The following RBFOX1 variants were observed in gnomAD, a reference collection of about 807,000 sequenced individuals.
The protein encoded by RBFOX1 is RNA binding protein fox-1 homolog 1.
RBFOX1 carries 8 observed loss-of-function variants against 57.7 expected under a neutral mutation model. The observed-to-expected ratio is 0.14, with a 90% confidence interval of 0.08 to 0.25. The LOEUF (loss-of-function observed/expected upper bound fraction) is 0.25. Among genes scored for constraint, RBFOX1 ranks in the 10% least tolerant of loss-of-function variants. The pLI is 1.00. For synonymous variants in RBFOX1, 326 were observed against 222.4 expected, an observed-to-expected ratio of 1.47 and a Z score of -4.15; for missense variants, 611 against 548.5, an observed-to-expected ratio of 1.11 and a Z score of -1.14.
chr16:6,788,719 C>G (rs2082394607), intron 3 of RBFOX1, among the ~76,000 whole-genome samples: 1 of 150,062 alleles, frequency 6.7e-6, no homozygotes, highest in African/African-American at 2.5e-5. Context: ...TCGTGATCCG[C>G]CCGCCTCGGC....
chr16:6,833,856 T>C (rs1159207313), intron 3 of RBFOX1, among the ~76,000 whole-genome samples: 3 of 152,010 alleles, frequency 2.0e-5, no homozygotes, highest in Non-Finnish European at 4.4e-5. Context: ...TGGTGCAGAC[T>C]GAGGAGACAG....
chr16:7,379,853 C>T (rs1471558526), intron 4 of RBFOX1, among the ~76,000 whole-genome samples: 1 of 151,642 alleles, frequency 6.6e-6, no homozygotes, highest in Admixed American at 6.6e-5. Context: ...CCTCTTTTCT[C>T]TTCCTTTTCT....
chr16:5,522,533 G>A lies in RBFOX1; in HGVS notation c.258+55279G>A, dbSNP rs139673941. Among the ~76,000 whole-genome samples, 1,322 of 152,250 alleles carry A rather than the reference G, an allele frequency of 8.7e-3. 8 individuals carry two copies. Among genetic ancestry groups the A allele is most frequent in the Non-Finnish European group, 0.013 (917 of 68,014 alleles). On this transcript the variant is annotated intron_variant, in intron 2 of 2. Coordinates refer to the RBFOX1 transcript ENST00000585867. ...CATTACCTCAAACATTTATTATTTCGATGTGTTGGAAAATGTTCAAATCCT... is the reference window on the plus strand; with the variant it reads ...CATTACCTCAAACATTTATTATTTCAATGTGTTGGAAAATGTTCAAATCCT...
intron 1 of RBFOX1, among the ~76,000 whole-genome samples, chr16:6,127,038 G>C (rs1389380727): frequency 1.3e-5 from 2 of 152,188 alleles, no homozygotes; most frequent in Non-Finnish European, 2.9e-5. Context: ...CTAAGGCTTA[G>C]AGAGGGGGAA....
chr16:6,927,185 G>T (rs965100572), intron 3 of RBFOX1, among the ~76,000 whole-genome samples: 16 of 151,824 alleles, frequency 1.1e-4, no homozygotes, highest in Middle Eastern at 3.2e-3. Context: ...TCTGGGTGGG[G>T]CTCAGGGATT....
intron 4 of RBFOX1, among the ~76,000 whole-genome samples, chr16:7,357,879 A>G (rs1426481045): frequency 6.6e-6 from 1 of 151,932 alleles, no homozygotes; most frequent in Non-Finnish European, 1.5e-5. Context: ...TCTTCAGTCT[A>G]GTTTTGGTTC....
chr16:6,686,833 T>G (rs1379215015), intron 3 of RBFOX1, among the ~76,000 whole-genome samples: 4 of 152,188 alleles, frequency 2.6e-5, no homozygotes, highest in Non-Finnish European at 5.9e-5. Flanking sequence ...TTTTAAACAT[T>G]CTCTGCATTG....
At chr16:7,314,256 C>T (rs2096387669) in intron 4 of RBFOX1, among the ~76,000 whole-genome samples, 1 of 152,124 alleles carries the variant, frequency 6.6e-6, no homozygotes, top group African/African-American at 2.4e-5. Context: ...GCAGTCACTG[C>T]CCGGCACCGT....
chr16:5,620,544 G>A (rs902658472), intron 3 of RBFOX1, among the ~76,000 whole-genome samples: 2 of 152,164 alleles, frequency 1.3e-5, no homozygotes, highest in Non-Finnish European at 2.9e-5. Flanking sequence ...TCTGAGACCT[G>A]TCTCCTTGGC....
intron 4 of RBFOX1, among the ~76,000 whole-genome samples, chr16:7,158,824 C>G (rs1018021052): frequency 6.6e-6 from 1 of 150,638 alleles, no homozygotes; most frequent in African/African-American, 2.4e-5. Context: ...TCTCTAGTGT[C>G]AGCACTTGTT....
intron 3 of RBFOX1, among the ~76,000 whole-genome samples, chr16:5,614,220 A>C (rs749106849): frequency 6.6e-6 from 1 of 152,028 alleles, no homozygotes; most frequent in Non-Finnish European, 1.5e-5. Context: ...TCCCTCTACA[A>C]CTGAGACTGC....
At chr16:6,565,545 C>A (rs770719760) in intron 2 of RBFOX1, among the ~76,000 whole-genome samples, 2 of 151,852 alleles carry the variant, frequency 1.3e-5, no homozygotes, top group African/African-American at 2.4e-5. Flanking sequence ...GTGTGAGTCA[C>A]TGCGCCCAGC....
intron 2 of RBFOX1, among the ~76,000 whole-genome samples, chr16:6,395,627 T>C (rs1359080885): frequency 3.9e-5 from 6 of 152,162 alleles, no homozygotes; most frequent in Non-Finnish European, 7.3e-5. Context: ...ACATTTGGAT[T>C]ATTGCATCTT....
intron 4 of RBFOX1, among the ~76,000 whole-genome samples, chr16:7,316,501 C>T (rs1167086926): frequency 6.6e-6 from 1 of 152,148 alleles, no homozygotes. Context: ...CTTATTTAGC[C>T]TCTGTCTCAG....
chr16:7,502,664 A>G (rs1360001983), intron 4 of RBFOX1, among the ~76,000 whole-genome samples: 2 of 152,308 alleles, frequency 1.3e-5, no homozygotes, highest in East Asian at 3.9e-4. Flanking sequence ...TTACATACGT[A>G]TACATGTGGT....
intron 2 of RBFOX1, among the ~76,000 whole-genome samples, chr16:6,450,227 C>T (rs1184708814): frequency 7.9e-5 from 12 of 152,158 alleles, no homozygotes. Flanking sequence ...CTCCTATAAG[C>T]ATTTGCTTCC....
chr16:5,688,807 A>G (rs867699350), intron 3 of RBFOX1, among the ~76,000 whole-genome samples: 2 of 152,248 alleles, frequency 1.3e-5, no homozygotes, highest in African/African-American at 4.8e-5. Context: ...AGTGGAATGG[A>G]GCCTCTAGGT....
At chr16:6,480,364 C>G (rs1437488959) in intron 2 of RBFOX1, among the ~76,000 whole-genome samples, 1 of 152,162 alleles carries the variant, frequency 6.6e-6, no homozygotes, top group African/African-American at 2.4e-5. Context: ...CTCACAGACA[C>G]TAAACTCCGC....
At chr16:6,558,350 T>G (rs753711021) in intron 2 of RBFOX1, among the ~76,000 whole-genome samples, 1 of 152,162 alleles carries the variant, frequency 6.6e-6, no homozygotes, top group Non-Finnish European at 1.5e-5. Context: ...CTGGCACCCC[T>G]GCTGAGATCA....
Sources: allele counts gnomAD v4.1 joint callset (sites outside exome capture counted in the v4.1 genomes callset), GRCh38; gene constraint gnomAD v4.1.1; transcripts MANE v1.5; gene names NCBI Gene and HGNC (gene_info 2026-07-23, HGNC 2026-07-21).